The following SIPA1L3 variants were observed in gnomAD, a reference collection of about 807,000 sequenced individuals.
SIPA1L3 encodes the protein signal induced proliferation associated 1 like 3.
Under a neutral mutation model 150.1 loss-of-function variants are expected in SIPA1L3, and 59 were observed. The ratio of observed to expected loss-of-function variants is 0.39; its 90% CI spans 0.32 to 0.49. The LOEUF (loss-of-function observed/expected upper bound fraction) is 0.49, where lower values mean the gene tolerates loss of function less well. Among genes scored for constraint, SIPA1L3 ranks in the 20% least tolerant of loss-of-function variants. SIPA1L3 has a pLI of 0.86. For missense variants in SIPA1L3, 2,211 were observed against 2,489.5 expected (o/e 0.89, Z 2.38); for synonymous variants, 1,070 against 1,077.6 (o/e 0.99, Z 0.14).
chr19:37,971,506 A>T (rs186695576), intron 1 of SIPA1L3, among the ~76,000 whole-genome samples: 1 of 152,024 alleles, frequency 6.6e-6, no homozygotes, highest in East Asian at 1.9e-4. Context: ...ATGTAATTGG[A>T]ATAATGCAGT....
intron 10 of SIPA1L3, among the ~76,000 whole-genome samples, chr19:38,133,254 A>T (rs140234154): frequency 1.3e-5 from 2 of 152,338 alleles, no homozygotes; most frequent in Non-Finnish European, 2.9e-5. Flanking sequence ...TGTCCCCTCC[A>T]GTCCTGTTTC....
At chr19:38,088,968 G>T in intron 4 of SIPA1L3, 117 bp downstream of exon 4, 1 of 1,102,326 alleles carries the variant, frequency 9.1e-7, no homozygotes. Flanking sequence ...CAACAACCCC[G>T]GGAGAGCAAT....
At chr19:37,967,913 C>T (rs1391226975) in intron 1 of SIPA1L3, among the ~76,000 whole-genome samples, 1 of 152,166 alleles carries the variant, frequency 6.6e-6, no homozygotes, top group African/African-American at 2.4e-5. Flanking sequence ...CCCGCCTCAG[C>T]CTCACAAAGT....
intron 10 of SIPA1L3, among the ~76,000 whole-genome samples, chr19:38,136,627 A>G (rs1971443497): frequency 6.6e-6 from 1 of 152,190 alleles, no homozygotes; most frequent in Non-Finnish European, 1.5e-5. Context: ...TTTAATCAAT[A>G]AATGAAGCAG....
chr19:37,970,299 A>G (rs1966899951), intron 1 of SIPA1L3, among the ~76,000 whole-genome samples: 2 of 152,240 alleles, frequency 1.3e-5, no homozygotes, highest in South Asian at 4.1e-4. Flanking sequence ...TCTTGGGGCC[A>G]GTGGAGATGG....
At chr19:38,200,537 A>ATT (rs1356317341) in intron 19 of SIPA1L3, 1 of 152,136 alleles carries the variant, frequency 6.6e-6, no homozygotes, top group African/African-American at 2.4e-5. Flanking sequence ...GTCTCTTAAA[A>ATT]AACAGATGTC....
At chr19:38,099,843 T>C in intron 4 of SIPA1L3, 119 bp from the exon 5 acceptor site, 1 of 875,816 alleles carries the variant, frequency 1.1e-6, no homozygotes, top group Non-Finnish European at 1.7e-6. Context: ...TTTCTGACCT[T>C]AGAGCACAAA....
At chr19:38,063,543 G>A (rs1443688111) in intron 2 of SIPA1L3, among the ~76,000 whole-genome samples, 1 of 152,262 alleles carries the variant, frequency 6.6e-6, no homozygotes, top group Non-Finnish European at 1.5e-5. Context: ...AACAGATGCG[G>A]TCTTAGCAGG....
intron 2 of SIPA1L3, among the ~76,000 whole-genome samples, chr19:38,030,364 C>T (rs1968618057): frequency 6.6e-6 from 1 of 151,848 alleles, no homozygotes; most frequent in Non-Finnish European, 1.5e-5. Flanking sequence ...GTGCTGGAGA[C>T]CAGCCTGGGC....
At chr19:37,921,716 T>G (rs1052539197) in intron 1 of SIPA1L3, among the ~76,000 whole-genome samples, 1 of 150,962 alleles carries the variant, frequency 6.6e-6, no homozygotes, top group African/African-American at 2.4e-5. Flanking sequence ...TCCTCCCACC[T>G]CAGCCTCCCA....
At chr19:38,143,234 G>A (rs557000393) in intron 12 of SIPA1L3, among the ~76,000 whole-genome samples, 4 of 152,158 alleles carry the variant, frequency 2.6e-5, no homozygotes, top group East Asian at 1.9e-4. Flanking sequence ...CTCTGGCTCC[G>A]GCTGAGCTTA....
At position 38,193,617 on chromosome 19, in the gene SIPA1L3, C is replaced by T; in HGVS notation, c.4677C>T (p.Ser1559=). 1 of 1,569,344 alleles carries T rather than the reference C, an allele frequency of 6.4e-7. No homozygotes were observed. Among genetic ancestry groups the T allele is most frequent in the Non-Finnish European group, 8.6e-7 (1 of 1,166,944 alleles). ...CSGRREPSFA[S]PAGLEPGLPS... ...GGCGCCGGGAGCCCAGCTTCGCCAG[C>T]CCCGCTGGCCTAGAGCCAGGGCTGC... Residue 1559 remains serine (S), a synonymous_variant, in exon 18 of 22, where the codon AGC becomes AGT. Transcript: ENST00000222345.
At chr19:38,011,255 G>A (rs4803663) in intron 1 of SIPA1L3, among the ~76,000 whole-genome samples, 4 of 151,994 alleles carry the variant, frequency 2.6e-5, no homozygotes, top group Admixed American at 6.6e-5. Context: ...TGGGAGGATC[G>A]CTTGAGCCCA....
At chr19:38,101,025 T>C in intron 5 of SIPA1L3, 27 bp from the exon 6 acceptor site, 1 of 1,507,368 alleles carries the variant, frequency 6.6e-7, no homozygotes, top group African/African-American at 1.4e-5. Context: ...CTGGCCTGCC[T>C]CCACAAAGCC....
chr19:38,095,025 A>G (rs938077942), intron 4 of SIPA1L3, among the ~76,000 whole-genome samples: 1 of 152,212 alleles, frequency 6.6e-6, no homozygotes, highest in Admixed American at 6.5e-5. Context: ...CAGTGAGCCA[A>G]AATCACACCA....
intron 6 of SIPA1L3, among the ~76,000 whole-genome samples, chr19:38,106,116 T>C (rs1970618262): frequency 6.6e-6 from 1 of 151,784 alleles, no homozygotes; most frequent in South Asian, 2.1e-4. Flanking sequence ...TAATTTTTTT[T>C]TTTTTTTTGA....
chr19:38,029,402 G>A (rs530286358), intron 2 of SIPA1L3, among the ~76,000 whole-genome samples: 9 of 152,096 alleles, frequency 5.9e-5, no homozygotes, highest in Non-Finnish European at 1.2e-4. Context: ...ATTTTGGTTC[G>A]TTGTGTGAGA....
At chr19:38,178,305 C>T (rs1221959717) in intron 15 of SIPA1L3, among the ~76,000 whole-genome samples, 1 of 151,834 alleles carries the variant, frequency 6.6e-6, no homozygotes, top group African/African-American at 2.4e-5. Context: ...GAGTTCAAGA[C>T]CAGCCTGGGC....
At position 38,008,217 on chromosome 19, in the gene SIPA1L3, CTTTTTTTTTTT is replaced by C. The variant is rs35422339; in HGVS notation, c.-378-20854_-378-20844del. ...AGAGGTGAGAAATCACCATAGGCTG[CTTTTTTTTTTT>C]TTTTTTTTTTTTTTTTTGAGATGGA... is the stretch of plus-strand genomic sequence containing the variant. On this transcript the variant is annotated intron_variant, in intron 1 of 21. Transcript: ENST00000222345. Among the ~76,000 whole-genome samples, 438 of 50,130 alleles carry C rather than the reference CTTTTTTTTTTT, an allele frequency of 8.7e-3. 6 individuals are homozygous for C. Among genetic ancestry groups the C allele is most frequent in the South Asian group, 0.011 (11 of 970 alleles). 32.9% of individuals were successfully genotyped at this position (50,130 alleles called of 152,430 possible).
Sources: gnomAD v4.1 joint callset for allele counts (sites outside exome capture counted in the v4.1 genomes callset) on GRCh38, gnomAD v4.1.1 for gene constraint, MANE v1.5 for transcripts, NCBI Gene and HGNC (gene_info 2026-07-23, HGNC 2026-07-21) for gene names.